The following CTNNA2 variants were observed in gnomAD, a reference collection of about 807,000 sequenced individuals.
CTNNA2 encodes catenin alpha-2.
CTNNA2 carries 42 observed loss-of-function variants against 101.0 expected under a neutral mutation model. The observed-to-expected ratio is 0.42, with a 90% CI of 0.32 to 0.54. The LOEUF (loss-of-function observed/expected upper bound fraction) is 0.54. CTNNA2 is among the 20% of genes least tolerant of loss of function. The pLI, the probability that CTNNA2 is intolerant of heterozygous loss-of-function variation, is 0.14. For missense variants in CTNNA2, 871 were observed against 1,223.1 expected (o/e 0.71, Z 4.29); for synonymous variants, 450 against 456.4 (o/e 0.99, Z 0.18).
In CTNNA2 at chr2:79,462,536, C is replaced by A. The variant is rs551441366; in HGVS notation, c.-134-42518C>A. Among the ~76,000 whole-genome samples the A allele has an allele frequency of 3.9e-5, 6 of 152,282 alleles. No individual in the cohort carries two copies. In the East Asian group the frequency reaches 1.2e-3, roughly 29 times the overall value. ...GGCACAATATTTTTCTACCTAGATTCAGAGAAGCAGCCAGAGTATACGACA... is the reference window on the plus strand; with the variant it reads ...GGCACAATATTTTTCTACCTAGATTAAGAGAAGCAGCCAGAGTATACGACA... On this transcript the variant is annotated intron_variant, in intron 4 of 21. Transcript: ENST00000466387.
At chr2:79,487,831 G>A (rs1671172064) in intron 4 of CTNNA2, among the ~76,000 whole-genome samples, 1 of 152,016 alleles carries the variant, frequency 6.6e-6, no homozygotes, top group African/African-American at 2.4e-5. Flanking sequence ...CCATGTTTTG[G>A]GATTCATTTA....
intron 7 of CTNNA2, among the ~76,000 whole-genome samples, chr2:80,151,125 G>A (rs1216228691): frequency 1.3e-5 from 2 of 152,176 alleles, no homozygotes; most frequent in African/African-American, 4.8e-5. Flanking sequence ...TCATTGCTGG[G>A]CAGTTTCGTC....
intron 4 of CTNNA2, among the ~76,000 whole-genome samples, chr2:79,474,825 C>T (rs1671034797): frequency 6.6e-6 from 1 of 152,124 alleles, no homozygotes; most frequent in Non-Finnish European, 1.5e-5. Context: ...TCCCACTGGT[C>T]TTTCAACTAA....
At chr2:80,067,228 C>T (rs1329183867) in intron 7 of CTNNA2, among the ~76,000 whole-genome samples, 3 of 151,754 alleles carry the variant, frequency 2.0e-5, no homozygotes, top group East Asian at 1.9e-4. Context: ...TTTAAGTGTT[C>T]GCATCACAAA....
upstream of CTNNA2, among the ~76,000 whole-genome samples, chr2:79,510,201 G>C (rs1002791086): frequency 6.6e-6 from 1 of 151,918 alleles, no homozygotes; most frequent in Non-Finnish European, 1.5e-5. Context: ...TATTTATGTT[G>C]GCATAAATTT....
At chr2:80,255,043 T>C (rs944793315) in intron 7 of CTNNA2, among the ~76,000 whole-genome samples, 7 of 152,140 alleles carry the variant, frequency 4.6e-5, no homozygotes, top group African/African-American at 1.7e-4. Flanking sequence ...GGGGGATGAA[T>C]GGGTCCTGAC....
intron 1 of CTNNA2, among the ~76,000 whole-genome samples, chr2:79,542,446 A>G (rs1432470532): frequency 6.6e-6 from 1 of 152,206 alleles, no homozygotes; most frequent in African/African-American, 2.4e-5. Context: ...ATTTCAAAGC[A>G]TTGAAATTAG....
intron 4 of CTNNA2, among the ~76,000 whole-genome samples, chr2:79,495,545 G>A (rs1025657402): frequency 6.6e-6 from 1 of 152,110 alleles, no homozygotes; most frequent in Non-Finnish European, 1.5e-5. Context: ...CAGTCACTTT[G>A]GAAAACAGTT....
intron 7 of CTNNA2, among the ~76,000 whole-genome samples, chr2:79,993,367 G>A (rs1259776408): frequency 1.3e-5 from 2 of 152,070 alleles, no homozygotes; most frequent in Non-Finnish European, 2.9e-5. Flanking sequence ...GGGCTCCCAC[G>A]TGGGCTTCAA....
At chr2:80,398,851 A>T (rs1678288478) in intron 8 of CTNNA2, among the ~76,000 whole-genome samples, 1 of 151,384 alleles carries the variant, frequency 6.6e-6, no homozygotes, top group Non-Finnish European at 1.5e-5. Flanking sequence ...TGGGTAACAC[A>T]TCAAGACTCT....
At chr2:80,132,862 T>G (rs1401849764) in intron 7 of CTNNA2, among the ~76,000 whole-genome samples, 3 of 152,156 alleles carry the variant, frequency 2.0e-5, no homozygotes, top group Non-Finnish European at 4.4e-5. Flanking sequence ...CAGGAGATTA[T>G]TAGATGTTAT....
rs531866277 is a variant in CTNNA2 at position 80,203,955 on chromosome 2, A to T, written c.1057-189256A>T. Among the ~76,000 whole-genome samples the T allele has an allele frequency of 1.7e-4, 26 of 152,278 alleles. No homozygotes were observed. In the South Asian group the frequency reaches 5.0e-3, roughly 29 times the overall value. On this transcript the variant is annotated intron_variant, in intron 7 of 18. Transcript: ENST00000402739. ...TCTGTGCACCTGCAGGCTCAACACCATGTGGAAGCTGCCAAGGCTTGAGGC... is the reference window on the plus strand; with the variant it reads ...TCTGTGCACCTGCAGGCTCAACACCTTGTGGAAGCTGCCAAGGCTTGAGGC...
chr2:79,955,738 A>T (rs754966101), intron 7 of CTNNA2, among the ~76,000 whole-genome samples: 1 of 151,490 alleles, frequency 6.6e-6, no homozygotes, highest in African/African-American at 2.4e-5. Flanking sequence ...CTTGTTTGGA[A>T]CTCCTGGGCT....
chr2:80,146,574 C>A (rs746080066), intron 7 of CTNNA2, among the ~76,000 whole-genome samples: 3 of 152,114 alleles, frequency 2.0e-5, no homozygotes, highest in Admixed American at 6.6e-5. Flanking sequence ...TACCCACTTA[C>A]TCTTTCTTGC....
At chr2:80,090,146 CTGTGTGTGTGTGTGTGTGTGTG>C (rs35203371) in intron 7 of CTNNA2, among the ~76,000 whole-genome samples, 153 of 140,740 alleles carry the variant, frequency 1.1e-3, no homozygotes, top group South Asian at 8.0e-3. Flanking sequence ...CTCTCTCTCT[CTGTGTGTGTGTGTGTGTGTGTG>C]TGTGTGTGTG....
chr2:80,011,502 G>A (rs1417476290), intron 7 of CTNNA2, among the ~76,000 whole-genome samples: 1 of 152,150 alleles, frequency 6.6e-6, no homozygotes, highest in African/African-American at 2.4e-5. Flanking sequence ...GAACCTACCA[G>A]TAGAGTAGAA....
chr2:79,497,035 G>A (rs1393093777), intron 4 of CTNNA2, among the ~76,000 whole-genome samples: 1 of 152,106 alleles, frequency 6.6e-6, no homozygotes, highest in Non-Finnish European at 1.5e-5. Context: ...GCCTAGTGTA[G>A]GCCTACACAG....
intron 5 of CTNNA2, among the ~76,000 whole-genome samples, chr2:79,506,886 T>C (rs1671424642): frequency 6.6e-6 from 1 of 152,166 alleles, no homozygotes; most frequent in Admixed American, 6.5e-5. Context: ...TGTGACTAGT[T>C]TTGCCCTAAT....
intron 7 of CTNNA2, among the ~76,000 whole-genome samples, chr2:80,194,251 A>G (rs1237555682): frequency 6.6e-6 from 1 of 152,214 alleles, no homozygotes; most frequent in East Asian, 1.9e-4. Flanking sequence ...GGTGGCATAC[A>G]TCAGGAAATA....
Sources: gnomAD v4.1 joint callset for allele counts (sites outside exome capture counted in the v4.1 genomes callset) on GRCh38, gnomAD v4.1.1 for gene constraint, MANE v1.5 for transcripts, NCBI Gene and HGNC (gene_info 2026-07-23, HGNC 2026-07-21) for gene names.